Variants in SOX5 observed in about 807,000 individuals in gnomAD.
The protein encoded by SOX5 is transcription factor SOX-5.
Under a neutral mutation model 92.0 loss-of-function variants are expected in SOX5, and 9 were observed. That is an observed-to-expected ratio of 0.10 (90% confidence interval 0.06 to 0.17). The LOEUF (loss-of-function observed/expected upper bound fraction) is 0.17. SOX5 is among the 10% of genes least tolerant of loss of function. The pLI, the probability that SOX5 is intolerant of heterozygous loss-of-function variation, is 1.00. For synonymous variants in SOX5, 344 were observed against 336.3 expected, an observed-to-expected ratio of 1.02 and a Z score of -0.25; for missense variants, 642 against 944.5, an observed-to-expected ratio of 0.68 and a Z score of 4.20.
upstream of SOX5, among the ~76,000 whole-genome samples, chr12:23,954,182 T>G (rs185140936): frequency 1.3e-5 from 2 of 152,074 alleles, no homozygotes; most frequent in Non-Finnish European, 2.9e-5. Context: ...TAAAAATATG[T>G]GGTCATAGGT....
chr12:23,629,360 T>TAA (rs2078241158), intron 8 of SOX5, among the ~76,000 whole-genome samples: 6 of 152,080 alleles, frequency 3.9e-5, no homozygotes, highest in African/African-American at 1.4e-4. Flanking sequence ...TTTTTAAGAA[T>TAA]ATCATGGCAA....
chr12:23,740,469 C>A (rs2093755244), intron 5 of SOX5, among the ~76,000 whole-genome samples: 1 of 152,168 alleles, frequency 6.6e-6, no homozygotes, highest in African/African-American at 2.4e-5. Context: ...CTGCCCCCAG[C>A]TGGAAACTCA....
chr12:23,989,465 T>C (rs1218673233), intron 4 of SOX5, among the ~76,000 whole-genome samples: 2 of 151,986 alleles, frequency 1.3e-5, no homozygotes, highest in Non-Finnish European at 2.9e-5. Context: ...GAATGGACAG[T>C]TTATAAACAT....
At chr12:24,441,133 A>G (rs142098744) in intron 1 of SOX5, among the ~76,000 whole-genome samples, 3 of 152,312 alleles carry the variant, frequency 2.0e-5, no homozygotes, top group African/African-American at 7.2e-5. Flanking sequence ...ACGTCATAAG[A>G]CTTTGATCAG....
At chr12:23,813,962 T>A (rs757944335) in intron 3 of SOX5, among the ~76,000 whole-genome samples, 5 of 152,290 alleles carry the variant, frequency 3.3e-5, no homozygotes, top group Middle Eastern at 3.4e-3. Context: ...TATCACAATG[T>A]GAATCTTGAC....
intron 3 of SOX5, among the ~76,000 whole-genome samples, chr12:23,803,585 TCTG>T (rs1318656870): frequency 6.6e-6 from 1 of 152,198 alleles, no homozygotes; most frequent in East Asian, 1.9e-4. Flanking sequence ...TTAATACTAA[TCTG>T]CTATCTACCA....
At chr12:24,360,356 C>T (rs543392946) in intron 2 of SOX5, among the ~76,000 whole-genome samples, 45 of 152,232 alleles carry the variant, frequency 3.0e-4, no homozygotes, top group Non-Finnish European at 5.1e-4. Flanking sequence ...GGTGAAATTT[C>T]GTGTTTTCAT....
At chr12:24,281,540 A>G (rs1424144215) in intron 2 of SOX5, among the ~76,000 whole-genome samples, 2 of 152,242 alleles carry the variant, frequency 1.3e-5, no homozygotes, top group Non-Finnish European at 2.9e-5. Context: ...TTTGTGCCAC[A>G]TAAATATGCA....
chr12:23,846,808 C>T (rs1325295779), intron 2 of SOX5, among the ~76,000 whole-genome samples: 1 of 152,138 alleles, frequency 6.6e-6, no homozygotes, highest in African/African-American at 2.4e-5. Context: ...TCAATTCTGC[C>T]TATGATGAAG....
intron 1 of SOX5, among the ~76,000 whole-genome samples, chr12:24,454,727 C>T (rs1942786904): frequency 6.6e-6 from 1 of 152,042 alleles, no homozygotes; most frequent in African/African-American, 2.4e-5. Context: ...TTGGAACGCA[C>T]CCTTCCATAT....
intron 4 of SOX5, among the ~76,000 whole-genome samples, chr12:24,025,226 T>G (rs1011534303): frequency 3.3e-5 from 5 of 151,902 alleles, no homozygotes; most frequent in African/African-American, 1.2e-4. Context: ...AAGGCTAACA[T>G]GAGAGTGAGA....
At chr12:24,103,073 T>C (rs1190783694) in intron 4 of SOX5, among the ~76,000 whole-genome samples, 1 of 152,216 alleles carries the variant, frequency 6.6e-6, no homozygotes, top group African/African-American at 2.4e-5. Flanking sequence ...TTGAACCCAC[T>C]GAGAGGCTTC....
intron 11 of SOX5, among the ~76,000 whole-genome samples, chr12:23,549,599 G>A (rs750658171): frequency 3.3e-5 from 5 of 151,918 alleles, no homozygotes; most frequent in Admixed American, 6.6e-5. Flanking sequence ...TTCTAAATGC[G>A]CTGAATGATG....
intron 4 of SOX5, among the ~76,000 whole-genome samples, chr12:24,000,846 G>A (rs1004716061): frequency 7.9e-5 from 12 of 152,114 alleles, no homozygotes; most frequent in African/African-American, 2.7e-4. Context: ...AAAGCAAAAT[G>A]ATGGAAAAGA....
intron 2 of SOX5, among the ~76,000 whole-genome samples, chr12:24,355,798 T>C (rs988559432): frequency 1.1e-4 from 17 of 152,208 alleles, no homozygotes; most frequent in African/African-American, 3.6e-4. Context: ...GGGGAAAAAT[T>C]ACTTATTTCC....
intron 4 of SOX5, among the ~76,000 whole-genome samples, chr12:23,997,237 T>C (rs1030227554): frequency 3.9e-5 from 6 of 152,200 alleles, no homozygotes; most frequent in African/African-American, 1.4e-4. Context: ...CCCTAAGCTC[T>C]TTACTGCTCT....
In SOX5 at chr12:24,277,186, A is replaced by G. The variant is rs191322738; in HGVS notation, c.-77+30T>C. ...AAATAGAATAGTTATCAATTTTTCA[A>G]AAGTGTTATTATGTGTTTTATGAAT... On this transcript the variant is annotated intron_variant, in intron 3 of 4. Coordinates refer to the SOX5 transcript ENST00000446891. 5.9e-5 allele frequency: 9 copies of G among 151,910 alleles called. No homozygotes were observed. The East Asian group carries it at 1.7e-3, about 29-fold the overall frequency. 9.4% of individuals were successfully genotyped at this position (151,910 alleles called of 1,614,324 possible). A position where few individuals can be genotyped will look rare whatever the true frequency, so the allele number is the denominator to read the frequency against.
intron 1 of SOX5, among the ~76,000 whole-genome samples, chr12:24,432,940 C>T (rs1461761443): frequency 6.6e-6 from 1 of 152,088 alleles, no homozygotes; most frequent in Non-Finnish European, 1.5e-5. Flanking sequence ...AGTCTAGATG[C>T]ATGTAACGGT....
chr12:23,596,123 A>C (rs1480895570), intron 9 of SOX5, among the ~76,000 whole-genome samples: 1 of 152,188 alleles, frequency 6.6e-6, no homozygotes, highest in Non-Finnish European at 1.5e-5. Context: ...CATTTTATCA[A>C]ACAAATACAA....
Sources: gnomAD v4.1 joint callset for allele counts (sites outside exome capture counted in the v4.1 genomes callset) on GRCh38, gnomAD v4.1.1 for gene constraint, MANE v1.5 for transcripts, NCBI Gene and HGNC (gene_info 2026-07-23, HGNC 2026-07-21) for gene names.